Variants in PTPRN2 observed in about 807,000 individuals in gnomAD.
PTPRN2 encodes protein tyrosine phosphatase receptor type N2.
PTPRN2 carries 74 observed loss-of-function variants against 118.8 expected under a neutral mutation model. That is an observed-to-expected ratio of 0.62 (90% confidence interval 0.52 to 0.76). The LOEUF (loss-of-function observed/expected upper bound fraction) is 0.76. Among genes scored for constraint, PTPRN2 ranks in the 30% least tolerant of loss-of-function variants. The probability of loss-of-function intolerance (pLI) is 0.00; values close to 1 mark genes in which losing one functional copy is unlikely to be tolerated. For synonymous variants in PTPRN2, 641 were observed against 608.0 expected, an observed-to-expected ratio of 1.05 and a Z score of -0.80; for missense variants, 1,481 against 1,394.4, an observed-to-expected ratio of 1.06 and a Z score of -0.99.
intron 4 of PTPRN2, among the ~76,000 whole-genome samples, chr7:158,196,272 C>A (rs1428431570): frequency 6.6e-6 from 1 of 152,202 alleles, no homozygotes. Flanking sequence ...TATACTCTGA[C>A]CTGTGAACTC....
At chr7:157,902,727 G>A (rs1027232599) in intron 11 of PTPRN2, among the ~76,000 whole-genome samples, 10 of 152,242 alleles carry the variant, frequency 6.6e-5, no homozygotes, top group African/African-American at 2.2e-4. Context: ...CGAGAGTGAG[G>A]CTGATAAACG....
At chr7:158,399,220 C>A (rs1042429536) in intron 2 of PTPRN2, among the ~76,000 whole-genome samples, 1 of 152,182 alleles carries the variant, frequency 6.6e-6, no homozygotes, top group African/African-American at 2.4e-5. Context: ...TAATAAGGGG[C>A]ACAAAGAGCT....
Position 158,251,529 on chromosome 7 carries a change from TG to T in PTPRN2, c.278-46257del, listed in dbSNP as rs535663499. On this transcript the variant is annotated intron_variant, in intron 3 of 22. Coordinates refer to ENST00000389418, the MANE Select transcript of PTPRN2 (RefSeq NM_002847.5). ...GTGCAATGGATGTATATGGTGCATG[TG>T]GGGGGTGTGCAATGGATGTCTATGG... 6.7e-4 allele frequency among the ~76,000 whole-genome samples: 97 copies of T among 144,866 alleles called. 1 individual carries two copies. Among genetic ancestry groups the T allele is most frequent in the South Asian group, 3.8e-3 (17 of 4,478 alleles).
intron 3 of PTPRN2, among the ~76,000 whole-genome samples, chr7:158,283,569 G>A (rs1261273825): frequency 6.6e-6 from 1 of 152,140 alleles, no homozygotes; most frequent in African/African-American, 2.4e-5. Flanking sequence ...AAGGACATAG[G>A]GACCTTGCTG....
At chr7:158,465,338 C>T (rs983654434) in intron 2 of PTPRN2, among the ~76,000 whole-genome samples, 4 of 152,176 alleles carry the variant, frequency 2.6e-5, no homozygotes, top group African/African-American at 4.8e-5. Flanking sequence ...TCTTAAAATG[C>T]TTTCTTGGTT....
At position 157,642,903 on chromosome 7, in the gene PTPRN2, G is replaced by A. The variant is rs548760039; in HGVS notation, c.2196+13454C>T. 2.8e-5 allele frequency among the ~76,000 whole-genome samples: 4 copies of A among 142,136 alleles called. 1 individual carries two copies. Among genetic ancestry groups the A allele is most frequent in the African/African-American group, 7.8e-5 (3 of 38,558 alleles). The allele number at this position is 142,136 out of a possible 152,430, so 93.2% of individuals were successfully genotyped here. A position where few individuals can be genotyped will look rare whatever the true frequency, so the allele number is the denominator to read the frequency against. On this transcript the variant is annotated intron_variant, in intron 14 of 22. Transcript: ENST00000389418. ...GCCATTTACCTAAGCCAATCGCCCC[G>A]GCAGCCAAAGGCCAAGCTGCATCAC... is the stretch of plus-strand genomic sequence containing the variant.
At chr7:157,841,398 G>GATA (rs796841142) in intron 12 of PTPRN2, among the ~76,000 whole-genome samples, 17 of 152,232 alleles carry the variant, frequency 1.1e-4, no homozygotes, top group African/African-American at 4.1e-4. Context: ...TTTTCCTGAT[G>GATA]GTTTTTCAAA....
rs746706030 is a variant in PTPRN2 at position 158,463,412 on chromosome 7, GTCA to G, written c.163+26320_163+26322del. 2.5e-3 allele frequency among the ~76,000 whole-genome samples: 383 copies of G among 151,250 alleles called. 4 individuals are homozygous for G. The highest frequency in any genetic ancestry group is 3.1e-3 in the Non-Finnish European group (210 of 67,852). On this transcript the variant is annotated intron_variant, in intron 2 of 22. Transcript: ENST00000389418. Reference sequence around the variant, plus strand: ...CATTACCATCACGACCATCATTGTTGTCATCATCACCATCACCATCATTGTCAT... The same window carrying G: ...CATTACCATCACGACCATCATTGTTGTCATCACCATCACCATCATTGTCAT...
intron 12 of PTPRN2, among the ~76,000 whole-genome samples, chr7:157,812,325 G>A (rs554917445): frequency 9.2e-4 from 140 of 152,292 alleles, no homozygotes; most frequent in Admixed American, 4.4e-3. Context: ...TGCCCTTCCT[G>A]GGGCACCTGT....
intron 3 of PTPRN2, among the ~76,000 whole-genome samples, chr7:158,313,800 A>G (rs994003132): frequency 4.6e-5 from 7 of 152,224 alleles, no homozygotes; most frequent in African/African-American, 1.7e-4. Flanking sequence ...ATTTAAATTC[A>G]TGGATATATG....
chr7:158,382,165 T>C (rs925524080), intron 2 of PTPRN2, among the ~76,000 whole-genome samples: 2 of 152,106 alleles, frequency 1.3e-5, no homozygotes, highest in Non-Finnish European at 2.9e-5. Flanking sequence ...TGGGCATACA[T>C]GTGCAGGCAC....
chr7:157,776,909 CT>C (rs1174830937), intron 12 of PTPRN2, among the ~76,000 whole-genome samples: 1 of 97,352 alleles, frequency 1.0e-5, no homozygotes, highest in East Asian at 3.0e-4. Context: ...CCTTCTCCCC[CT>C]CCTCCTCGCT....
chr7:157,834,041 C>G (rs1584818382), intron 12 of PTPRN2, among the ~76,000 whole-genome samples: 1 of 152,348 alleles, frequency 6.6e-6, no homozygotes, highest in South Asian at 2.1e-4. Flanking sequence ...CTCTGTAGTA[C>G]TTTCTATCCG....
chr7:158,355,191 G>T (rs1808293885), intron 2 of PTPRN2, among the ~76,000 whole-genome samples: 1 of 152,116 alleles, frequency 6.6e-6, no homozygotes, highest in Non-Finnish European at 1.5e-5. Context: ...CATTCAGAAA[G>T]AACAAAAATA....
chr7:158,405,057 A>C (rs1169727398), intron 2 of PTPRN2, among the ~76,000 whole-genome samples: 1 of 64,226 alleles, frequency 1.6e-5, no homozygotes, highest in Admixed American at 1.5e-4. Flanking sequence ...CCCGGCCCCC[A>C]GCTCCCTGGC....
chr7:157,706,825 C>T (rs192360781), intron 12 of PTPRN2, among the ~76,000 whole-genome samples: 5 of 151,048 alleles, frequency 3.3e-5, no homozygotes, highest in East Asian at 2.0e-4. Flanking sequence ...TCCAGATCAA[C>T]GTGACCACAT....
chr7:157,786,690 C>A (rs1804060077), intron 12 of PTPRN2, among the ~76,000 whole-genome samples: 1 of 152,244 alleles, frequency 6.6e-6, no homozygotes, highest in Non-Finnish European at 1.5e-5. Context: ...GCAGAAAGCA[C>A]CCTCTCATTG....
At chr7:158,001,914 C>G (rs1170370144) in intron 11 of PTPRN2, among the ~76,000 whole-genome samples, 4 of 152,232 alleles carry the variant, frequency 2.6e-5, no homozygotes, top group Non-Finnish European at 5.9e-5. Flanking sequence ...CGCTGCTGCA[C>G]TGGGACTCCT....
rs1231017579 is a variant in PTPRN2, at chr7:158,003,821, G to A, written c.1723+77477C>T. Among the ~76,000 whole-genome samples the A allele has an allele frequency of 1.3e-5, 2 of 152,162 alleles. No individual in the cohort carries two copies. The highest frequency in any genetic ancestry group is 4.8e-5 in the African/African-American group (2 of 41,418). On this transcript the variant is annotated intron_variant, in intron 11 of 22. Coordinates refer to ENST00000389418, the MANE Select transcript of PTPRN2 (RefSeq NM_002847.5). This position sits in a 1 kb window ranked among gnomAD's most constrained non-coding sequence, Gnocchi z 5.0. ...AAGGCCAGTGGTAAAACGGGCCTCT[G>A]CTTTTTTTAAAGAATAGCTTGTCTA...
Sources: gnomAD v4.1 joint callset for allele counts (sites outside exome capture counted in the v4.1 genomes callset) on GRCh38, gnomAD v4.1.1 for gene constraint, Gnocchi (gnomAD v3.1) non-coding constraint, MANE v1.5 for transcripts, NCBI Gene and HGNC (gene_info 2026-07-23, HGNC 2026-07-21) for gene names.